The following DCAF6 variants were observed in gnomAD, a reference collection of about 807,000 sequenced individuals.
The protein encoded by DCAF6 is DDB1- and CUL4-associated factor 6.
In DCAF6, 54 loss-of-function variants were observed where a neutral mutation model predicts 125.1. The ratio of observed to expected loss-of-function variants is 0.43; its 90% CI spans 0.35 to 0.54. The LOEUF (loss-of-function observed/expected upper bound fraction) is 0.54. Among genes scored for constraint, DCAF6 ranks in the 20% least tolerant of loss-of-function variants. The pLI, the probability that DCAF6 is intolerant of heterozygous loss-of-function variation, is 0.01. For synonymous variants in DCAF6, 371 were observed against 390.4 expected (o/e 0.95, Z 0.58); for missense variants, 934 against 1,161.7 (o/e 0.80, Z 2.85).
the DCAF6 span, among the ~76,000 whole-genome samples, chr1:167,884,082 C>CA: frequency 6.6e-6 from 1 of 152,174 alleles, no homozygotes; most frequent in East Asian, 1.9e-4. Flanking sequence ...TCCCCTCAAG[C>CA]ATTTATCCTT....
At chr1:167,945,564 T>G (rs750658900) in intron 1 of DCAF6, among the ~76,000 whole-genome samples, 9 of 152,214 alleles carry the variant, frequency 5.9e-5, no homozygotes, top group Non-Finnish European at 1.2e-4. Flanking sequence ...CAATCTCGGC[T>G]TACTACAACC....
the DCAF6 span, among the ~76,000 whole-genome samples, chr1:167,888,510 T>TA: frequency 0.013 from 1,922 of 152,304 alleles, 40 homozygotes; most frequent in African/African-American, 0.044. Flanking sequence ...TACTTTATTT[T>TA]ATTTTTAGCT....
chr1:168,002,392 A>G, intron 7 of DCAF6, 90 bp from the exon 8 acceptor site: 1 of 1,105,802 alleles, frequency 9.0e-7, no homozygotes, highest in Non-Finnish European at 1.4e-6. Context: ...AAGTAGGGAG[A>G]TGGAAATAAA....
the DCAF6 span, among the ~76,000 whole-genome samples, chr1:167,915,303 A>C: frequency 3.3e-5 from 5 of 152,000 alleles, no homozygotes; most frequent in African/African-American, 9.6e-5. Context: ...CCCACCTACT[A>C]CTCCTCTACC....
At chr1:167,914,068 A>G in the DCAF6 span, 4 of 152,436 alleles carry the variant, frequency 2.6e-5, no homozygotes, top group East Asian at 7.7e-4. Flanking sequence ...GCCGGGTGAC[A>G]TTATTCTGAA....
At chr1:167,981,067 C>T (rs143602099) in intron 4 of DCAF6, among the ~76,000 whole-genome samples, 2,305 of 151,838 alleles carry the variant, frequency 0.015, 55 homozygotes, top group African/African-American at 0.051. Flanking sequence ...CCACCACGCC[C>T]GGCTAATTTT....
chr1:167,864,216 ATGTGGTG>A, the DCAF6 span, among the ~76,000 whole-genome samples: 10 of 152,190 alleles, frequency 6.6e-5, no homozygotes. Flanking sequence ...TGTGGTGTGC[ATGTGGTG>A]TGAGAGTGGT....
At chr1:168,001,771 A>T (rs1163522599) in intron 7 of DCAF6, among the ~76,000 whole-genome samples, 2 of 152,202 alleles carry the variant, frequency 1.3e-5, no homozygotes, top group Non-Finnish European at 2.9e-5. Context: ...TGAAGGAATG[A>T]AATAAAAAGC....
At chr1:168,022,890 G>A (rs1234856178) in intron 11 of DCAF6, 98 bp from the exon 12 acceptor site, 2 of 1,086,666 alleles carry the variant, frequency 1.8e-6, no homozygotes. Flanking sequence ...CTATTCCGCA[G>A]CCTTATACAT....
chr1:167,973,326 C>T (rs1248351933), intron 3 of DCAF6, among the ~76,000 whole-genome samples: 1 of 152,142 alleles, frequency 6.6e-6, no homozygotes, highest in Non-Finnish European at 1.5e-5. Context: ...AATTTATTCC[C>T]TTATTGGAGA....
chr1:167,955,551 C>A (rs1238754997), intron 2 of DCAF6, among the ~76,000 whole-genome samples: 1 of 151,654 alleles, frequency 6.6e-6, no homozygotes, highest in Non-Finnish European at 1.5e-5. Flanking sequence ...CTGGAAACTT[C>A]CTGAACTCTC....
chr1:168,072,168 G>T (rs971353945), intron 21 of DCAF6, among the ~76,000 whole-genome samples: 1 of 151,050 alleles, frequency 6.6e-6, no homozygotes, highest in South Asian at 2.1e-4. Flanking sequence ...GTGGTGGCGC[G>T]TGCCTGTAGT....
the DCAF6 span, among the ~76,000 whole-genome samples, chr1:167,887,767 T>C: frequency 1.3e-5 from 2 of 151,266 alleles, no homozygotes; most frequent in South Asian, 2.1e-4. Context: ...TTTTATCTGA[T>C]AAAATAATTC....
the DCAF6 span, chr1:167,916,888 C>A: frequency 6.6e-6 from 1 of 152,238 alleles, no homozygotes; most frequent in African/African-American, 2.4e-5. Context: ...TAGTTTGACT[C>A]TTCAGAACCT....
intron 17 of DCAF6, among the ~76,000 whole-genome samples, chr1:168,061,539 C>G (rs1326881996): frequency 1.3e-5 from 2 of 151,940 alleles, no homozygotes; most frequent in African/African-American, 4.8e-5. Context: ...CATTCATACC[C>G]TTTTTAATGG....
At chr1:168,022,546 A>T (rs1294776382) in intron 11 of DCAF6, among the ~76,000 whole-genome samples, 4 of 152,224 alleles carry the variant, frequency 2.6e-5, no homozygotes, top group Admixed American at 2.6e-4. Flanking sequence ...TTCAGCCCAC[A>T]GTACAGCAAA....
At chr1:168,013,297 C>T (rs575661774) in intron 10 of DCAF6, among the ~76,000 whole-genome samples, 2 of 152,174 alleles carry the variant, frequency 1.3e-5, no homozygotes, top group Admixed American at 6.5e-5. Flanking sequence ...TCTTAACTAC[C>T]AATTGGGTAA....
chr1:168,021,609 ATAAG>A (rs1277811413), intron 11 of DCAF6, among the ~76,000 whole-genome samples: 1 of 152,196 alleles, frequency 6.6e-6, no homozygotes, highest in Non-Finnish European at 1.5e-5. Flanking sequence ...TGAAAAAGTG[ATAAG>A]TAAGGATAAG....
At chr1:168,022,926 A>G (rs1685846466) in intron 11 of DCAF6, 62 bp from the exon 12 acceptor site, 3 of 1,432,990 alleles carry the variant, frequency 2.1e-6, no homozygotes, top group Non-Finnish European at 2.9e-6. Flanking sequence ...AGAGATGATC[A>G]TGACATTGCT....
Sources: allele counts gnomAD v4.1 joint callset (sites outside exome capture counted in the v4.1 genomes callset), GRCh38; gene constraint gnomAD v4.1.1; transcripts MANE v1.5; gene names NCBI Gene and HGNC (gene_info 2026-07-23, HGNC 2026-07-21).